The following ZNF567 variants were observed in gnomAD, a reference collection of about 807,000 sequenced individuals.
ZNF567 encodes zinc finger protein 567.
ZNF567 carries 36 observed loss-of-function variants against 53.9 expected under a neutral mutation model. The observed-to-expected ratio is 0.67, with a 90% CI of 0.51 to 0.88. The LOEUF is 0.88. Ranked by LOEUF, ZNF567 falls within the 40% of genes least tolerant of loss-of-function variation. ZNF567 has a pLI of 0.00. For missense variants in ZNF567, 619 were observed against 764.7 expected, an observed-to-expected ratio of 0.81 and a Z score of 2.25; for synonymous variants, 224 against 260.4, an observed-to-expected ratio of 0.86 and a Z score of 1.35.
At chr19:36,694,730 A>G in intron 2 of ZNF567, 72 bp from the exon 3 acceptor site, 1 of 729,830 alleles carries the variant, frequency 1.4e-6, no homozygotes, top group Non-Finnish European at 2.2e-6. Context: ...AGGCAATTTT[A>G]ATAGAATTAT....
At chr19:36,711,072 T>G (rs7251193) in intron 3 of ZNF567, among the ~76,000 whole-genome samples, 6,237 of 150,394 alleles carry the variant, frequency 0.041, 418 homozygotes, top group African/African-American at 0.14. Flanking sequence ...CTCTCACTTT[T>G]TGTGTGTGTG....
rs1253440420 is a variant in ZNF567 at position 36,694,504 on chromosome 19, A to G, written c.-66-298A>G. On this transcript the variant is annotated intron_variant, in intron 2 of 5. Coordinates refer to ENST00000682579, the MANE Select transcript of ZNF567 (RefSeq NM_001322917.1). Reference sequence around the variant, plus strand: ...GCAGTACTATGAATGGTACAGCCTTAACGGAGAGCAGCTTGGAAGTAGTTA... The same window carrying G: ...GCAGTACTATGAATGGTACAGCCTTGACGGAGAGCAGCTTGGAAGTAGTTA... Among the ~76,000 whole-genome samples, 6 of 152,290 alleles carry G rather than the reference A, an allele frequency of 3.9e-5. No individual in the cohort carries two copies. In the East Asian group the frequency reaches 1.2e-3, roughly 29 times the overall value.
chr19:36,673,716 A>C, the ZNF567 span, among the ~76,000 whole-genome samples: 2 of 151,538 alleles, frequency 1.3e-5, no homozygotes, highest in Non-Finnish European at 2.9e-5. Context: ...ACACACACAC[A>C]CCCTGTTTGT....
Position 36,720,933 on chromosome 19 carries a change from T to C in ZNF567, c.*265T>C, listed in dbSNP as rs1187985964. ...ATAGTTTATTTTTTAAAAATACTTA[T>C]ATAATACATGCAGAGACAAGATACA... On this transcript the variant is annotated 3_prime_UTR_variant, in exon 6 of 6. Coordinates refer to ENST00000682579, the MANE Select transcript of ZNF567 (RefSeq NM_001322917.1). 1 of 234,234 alleles carries C rather than the reference T, an allele frequency of 4.3e-6. No individual in the cohort carries two copies. Among genetic ancestry groups the C allele is most frequent in the African/African-American group, 2.3e-5 (1 of 44,152 alleles). The allele number at this position is 234,234 out of a possible 1,614,324, so 14.5% of individuals were successfully genotyped here.
At chr19:36,678,626 T>G in the ZNF567 span, among the ~76,000 whole-genome samples, 2 of 151,710 alleles carry the variant, frequency 1.3e-5, no homozygotes, top group Non-Finnish European at 2.9e-5. Context: ...GGGTGGATCA[T>G]GAGGTCAGGA....
At chr19:36,715,735 G>C (rs1184193890) in intron 5 of ZNF567, among the ~76,000 whole-genome samples, 1 of 151,110 alleles carries the variant, frequency 6.6e-6, no homozygotes, top group African/African-American at 2.4e-5. Context: ...CTCCATGTTG[G>C]TCAGGCTGGT....
chr19:36,694,909 G>GTTT, intron 3 of ZNF567, 33 bp downstream of exon 3: 1 of 1,327,530 alleles, frequency 7.5e-7, no homozygotes, highest in Non-Finnish European at 1.0e-6. Context: ...CTTTCTGAAA[G>GTTT]TCTTTTTTTT....
chr19:36,670,208 G>T, the ZNF567 span, among the ~76,000 whole-genome samples: 1 of 152,148 alleles, frequency 6.6e-6, no homozygotes, highest in South Asian at 2.1e-4. Flanking sequence ...AATGGGCACA[G>T]CAAGTCCCAG....
chr19:36,724,955 T>C (rs913812868), downstream of ZNF567, among the ~76,000 whole-genome samples: 25 of 152,114 alleles, frequency 1.6e-4, no homozygotes, highest in African/African-American at 5.8e-4. Context: ...GTGTCAAGTA[T>C]CTCATTGAGA....
intron 3 of ZNF567, among the ~76,000 whole-genome samples, chr19:36,710,483 T>A (rs1221834939): frequency 6.6e-6 from 1 of 152,184 alleles, no homozygotes; most frequent in Non-Finnish European, 1.5e-5. Flanking sequence ...TCTGTTATGT[T>A]CTTCTGAGAA....
intron 3 of ZNF567, among the ~76,000 whole-genome samples, chr19:36,703,264 C>A (rs1270859618): frequency 6.6e-6 from 1 of 152,150 alleles, no homozygotes; most frequent in African/African-American, 2.4e-5. Flanking sequence ...GCAAATGCTG[C>A]TGTCTGATCG....
At chr19:36,705,581 T>C (rs1417968409) in intron 3 of ZNF567, among the ~76,000 whole-genome samples, 1 of 152,206 alleles carries the variant, frequency 6.6e-6, no homozygotes, top group African/African-American at 2.4e-5. Context: ...ACTTCTTTTA[T>C]AGCACAGAGT....
the ZNF567 span, among the ~76,000 whole-genome samples, chr19:36,667,156 C>T: frequency 6.6e-6 from 1 of 151,984 alleles, no homozygotes; most frequent in African/African-American, 2.4e-5. Context: ...TTGTTGTGCG[C>T]GTGTCCGAAG....
At chr19:36,676,630 C>T in the ZNF567 span, among the ~76,000 whole-genome samples, 1 of 152,140 alleles carries the variant, frequency 6.6e-6, no homozygotes, top group Admixed American at 6.5e-5. Flanking sequence ...ACTGTCACTT[C>T]GAGGGATAAC....
chr19:36,680,100 A>G, the ZNF567 span, among the ~76,000 whole-genome samples: 8 of 152,348 alleles, frequency 5.3e-5, no homozygotes, highest in East Asian at 1.5e-3. Context: ...TATAAATTAT[A>G]CAATTATTGT....
At chr19:36,707,755 T>C (rs1298704332) in intron 3 of ZNF567, among the ~76,000 whole-genome samples, 1 of 148,326 alleles carries the variant, frequency 6.7e-6, no homozygotes, top group Non-Finnish European at 1.5e-5. Flanking sequence ...TTTTTGTATG[T>C]TTAGTGGAGA....
chr19:36,722,413 T>C (rs1405897545), downstream of ZNF567, among the ~76,000 whole-genome samples: 2 of 152,162 alleles, frequency 1.3e-5, no homozygotes, highest in Admixed American at 6.5e-5. Context: ...ACGATTCTCC[T>C]ACCTCAGCCT....
At chr19:36,683,394 T>A (rs969631740), upstream of ZNF567, among the ~76,000 whole-genome samples, 2 of 152,206 alleles carry the variant, frequency 1.3e-5, no homozygotes, top group Admixed American at 6.6e-5. Context: ...TCTGCATTTT[T>A]AAATCACATT....
chr19:36,725,683 C>G (rs2040332879), downstream of ZNF567, among the ~76,000 whole-genome samples: 1 of 152,090 alleles, frequency 6.6e-6, no homozygotes. Context: ...ATGTCTTGCT[C>G]TCTCACCCAG....
Sources: gnomAD v4.1 joint callset for allele counts (sites outside exome capture counted in the v4.1 genomes callset) on GRCh38, gnomAD v4.1.1 for gene constraint, MANE v1.5 for transcripts, NCBI Gene and HGNC (gene_info 2026-07-23, HGNC 2026-07-21) for gene names.